The following KCNIP4 variants were observed in gnomAD, a reference collection of about 807,000 sequenced individuals.
KCNIP4 encodes Kv channel-interacting protein 4.
In KCNIP4, 12 loss-of-function variants were observed where a neutral mutation model predicts 34.0. The ratio of observed to expected loss-of-function variants is 0.35; its 90% CI spans 0.23 to 0.57. The LOEUF (loss-of-function observed/expected upper bound fraction) is 0.57, where lower values mean the gene tolerates loss of function less well. Ranked by LOEUF, KCNIP4 falls within the 20% of genes least tolerant of loss-of-function variation. The pLI is 0.83. For synonymous variants in KCNIP4, 124 were observed against 102.2 expected, an observed-to-expected ratio of 1.21 and a Z score of -1.29; for missense variants, 238 against 311.7, an observed-to-expected ratio of 0.76 and a Z score of 1.78.
intron 1 of KCNIP4, among the ~76,000 whole-genome samples, chr4:21,502,454 A>T (rs1009582749): frequency 6.6e-6 from 1 of 152,104 alleles, no homozygotes; most frequent in African/African-American, 2.4e-5. Context: ...GCCATTGCCA[A>T]TCATTTTGCC....
intron 1 of KCNIP4, among the ~76,000 whole-genome samples, chr4:21,543,745 AT>A (rs1489166907): frequency 2.6e-5 from 4 of 152,116 alleles, no homozygotes; most frequent in African/African-American, 9.7e-5. Context: ...CCTTACCTAC[AT>A]TGTCTTGTAA....
chr4:21,937,913 G>A (rs977958867), intron 1 of KCNIP4, among the ~76,000 whole-genome samples: 6 of 152,078 alleles, frequency 3.9e-5, no homozygotes, highest in African/African-American at 9.7e-5. Context: ...TTCCCAGTGT[G>A]CAAATGTGGT....
chr4:21,026,659 A>T (rs1180725625), intron 1 of KCNIP4, among the ~76,000 whole-genome samples: 1 of 152,160 alleles, frequency 6.6e-6, no homozygotes, highest in African/African-American at 2.4e-5. Context: ...TGTCTCAAAA[A>T]ATAAAAATAA....
intron 1 of KCNIP4, among the ~76,000 whole-genome samples, chr4:20,885,906 C>G (rs1181372982): frequency 6.6e-6 from 1 of 152,114 alleles, no homozygotes; most frequent in Non-Finnish European, 1.5e-5. Flanking sequence ...TGGTTAATGC[C>G]TGTTCATCCT....
At position 21,808,303 on chromosome 4, in the gene KCNIP4, A is replaced by G. The variant is rs190719360; in HGVS notation, c.61+140268T>C. 4.6e-5 allele frequency among the ~76,000 whole-genome samples: 7 copies of G among 152,246 alleles called. No homozygotes were observed. The East Asian group carries it at 1.4e-3, about 30-fold the overall frequency. ...ACATAGATTTTCTTCCTCTTCTGCCACACCTTAGATAGGAAGACCAATCCT... is the reference window on the plus strand; with the variant it reads ...ACATAGATTTTCTTCCTCTTCTGCCGCACCTTAGATAGGAAGACCAATCCT... On this transcript the variant is annotated intron_variant, in intron 1 of 8. Transcript: ENST00000382152.
At chr4:21,236,817 G>C (rs1337356304) in intron 1 of KCNIP4, among the ~76,000 whole-genome samples, 1 of 150,026 alleles carries the variant, frequency 6.7e-6, no homozygotes, top group Non-Finnish European at 1.5e-5. Flanking sequence ...AGACCAGCCT[G>C]ACCAAGATGG....
intron 1 of KCNIP4, among the ~76,000 whole-genome samples, chr4:20,904,317 GTA>G (rs938266134): frequency 3.0e-5 from 4 of 135,394 alleles, no homozygotes; most frequent in Non-Finnish European, 4.9e-5. Flanking sequence ...CTATATATAT[GTA>G]TGTGTGTGTG....
chr4:21,702,759 T>G (rs1329576098), intron 1 of KCNIP4, among the ~76,000 whole-genome samples: 1 of 152,044 alleles, frequency 6.6e-6, no homozygotes, highest in Non-Finnish European at 1.5e-5. Context: ...ATGAGTACAG[T>G]ATTGGCATGA....
intron 1 of KCNIP4, among the ~76,000 whole-genome samples, chr4:20,997,177 G>A (rs936143598): frequency 1.3e-5 from 2 of 152,192 alleles, no homozygotes; most frequent in South Asian, 2.1e-4. Flanking sequence ...TATCTGGTCC[G>A]TTTCATCTGG....
chr4:20,780,687 G>T (rs1292838434), intron 3 of KCNIP4, among the ~76,000 whole-genome samples: 1 of 152,138 alleles, frequency 6.6e-6, no homozygotes, highest in African/African-American at 2.4e-5. Flanking sequence ...AAAATGATTG[G>T]TTCAGTGTCA....
intron 1 of KCNIP4, among the ~76,000 whole-genome samples, chr4:21,408,094 A>G (rs1486564074): frequency 1.3e-5 from 2 of 152,226 alleles, no homozygotes; most frequent in Non-Finnish European, 2.9e-5. Flanking sequence ...GCCGGTAGAC[A>G]TTGAAGACTT....
chr4:21,030,109 A>G (rs1367573668), intron 1 of KCNIP4, among the ~76,000 whole-genome samples: 1 of 152,176 alleles, frequency 6.6e-6, no homozygotes. Flanking sequence ...ACACAGTAAG[A>G]GGTGAGTAGC....
At chr4:21,883,159 GT>G (rs71193418) in intron 1 of KCNIP4, among the ~76,000 whole-genome samples, 1,774 of 138,080 alleles carry the variant, frequency 0.013, 21 homozygotes, top group South Asian at 0.037. Flanking sequence ...CTGAGTTGTT[GT>G]TTTTTTTTTT....
At chr4:21,006,019 A>G (rs1369620217) in intron 1 of KCNIP4, among the ~76,000 whole-genome samples, 1 of 152,186 alleles carries the variant, frequency 6.6e-6, no homozygotes, top group Non-Finnish European at 1.5e-5. Context: ...AGCAATAGAG[A>G]GCCTTAAAAT....
chr4:21,535,169 G>A (rs1204209622), intron 1 of KCNIP4, among the ~76,000 whole-genome samples: 1 of 152,078 alleles, frequency 6.6e-6, no homozygotes, highest in Admixed American at 6.5e-5. Context: ...GCTTAAATTA[G>A]GCTTAAATCA....
intron 1 of KCNIP4, among the ~76,000 whole-genome samples, chr4:21,666,084 G>T (rs1376342213): frequency 2.0e-5 from 3 of 152,188 alleles, no homozygotes; most frequent in Admixed American, 6.5e-5. Flanking sequence ...GCCTATAGAA[G>T]AATTTTAGTT....
chr4:21,373,740 T>C (rs1720708706), intron 1 of KCNIP4, among the ~76,000 whole-genome samples: 1 of 147,250 alleles, frequency 6.8e-6, no homozygotes, highest in South Asian at 2.1e-4. Context: ...AGTTTCACTC[T>C]TGTTGCTCAT....
chr4:21,724,265 C>A (rs1272307434), intron 1 of KCNIP4, among the ~76,000 whole-genome samples: 1 of 152,058 alleles, frequency 6.6e-6, no homozygotes, highest in Non-Finnish European at 1.5e-5. Context: ...GTCATGTAAA[C>A]AAAAGTCTGA....
At chr4:21,506,999 G>C (rs528990128) in intron 1 of KCNIP4, among the ~76,000 whole-genome samples, 45 of 151,666 alleles carry the variant, frequency 3.0e-4, no homozygotes, top group Non-Finnish European at 5.9e-4. Flanking sequence ...TGTTGCCTAG[G>C]TTGGTGTCAA....
Sources: gnomAD v4.1 joint callset for allele counts (sites outside exome capture counted in the v4.1 genomes callset) on GRCh38, gnomAD v4.1.1 for gene constraint, MANE v1.5 for transcripts, NCBI Gene and HGNC (gene_info 2026-07-23, HGNC 2026-07-21) for gene names.